The following AGBL1 variants were observed in gnomAD, a reference collection of about 807,000 sequenced individuals.
AGBL1 encodes cytosolic carboxypeptidase 4.
In AGBL1, 130 loss-of-function variants were observed where a neutral mutation model predicts 118.9. The observed-to-expected ratio is 1.09, with a 90% CI of 0.95 to 1.26. AGBL1 has a LOEUF of 1.26. AGBL1 is among the 50% of genes most tolerant of loss of function. The pLI is 0.00. For synonymous variants in AGBL1, 555 were observed against 478.9 expected, an observed-to-expected ratio of 1.16 and a Z score of -2.08; for missense variants, 1,584 against 1,298.1, an observed-to-expected ratio of 1.22 and a Z score of -3.38.
chr15:86,868,816 A>T (rs1205363406), intron 22 of AGBL1, among the ~76,000 whole-genome samples: 4 of 152,196 alleles, frequency 2.6e-5, no homozygotes. Context: ...AATTAATGGA[A>T]TTGTGACATG....
intron 21 of AGBL1, among the ~76,000 whole-genome samples, chr15:86,622,305 G>A (rs2084820322): frequency 2.7e-5 from 4 of 150,826 alleles, no homozygotes; most frequent in Admixed American, 2.6e-4. Context: ...ACTCCAACCT[G>A]GGTGACAAGA....
chr15:86,318,849 A>G (rs901287409), intron 17 of AGBL1, among the ~76,000 whole-genome samples: 2 of 151,976 alleles, frequency 1.3e-5, no homozygotes, highest in African/African-American at 2.4e-5. Context: ...GATCTGAATG[A>G]AGTGTTATTA....
chr15:86,426,989 C>T (rs530429945), intron 18 of AGBL1, among the ~76,000 whole-genome samples: 1 of 152,256 alleles, frequency 6.6e-6, no homozygotes, highest in Non-Finnish European at 1.5e-5. Context: ...TGGTCTTGAA[C>T]TCCTGACCTC....
intron 17 of AGBL1, among the ~76,000 whole-genome samples, chr15:86,373,447 C>T (rs1033362286): frequency 1.3e-5 from 2 of 152,130 alleles, no homozygotes; most frequent in African/African-American, 2.4e-5. Context: ...CTCTAAAGGC[C>T]AGGACTGGGA....
At chr15:86,423,224 A>G (rs2081816752) in intron 18 of AGBL1, among the ~76,000 whole-genome samples, 1 of 152,232 alleles carries the variant, frequency 6.6e-6, no homozygotes, top group Non-Finnish European at 1.5e-5. Flanking sequence ...AGCACATCAA[A>G]AAGCTTATCC....
At chr15:86,762,094 T>C (rs903463923) in intron 22 of AGBL1, among the ~76,000 whole-genome samples, 5 of 152,142 alleles carry the variant, frequency 3.3e-5, no homozygotes, top group Non-Finnish European at 7.4e-5. Flanking sequence ...TGGAAGCCAT[T>C]ATCCTCAGCA....
At chr15:86,528,459 A>G (rs369931546) in intron 19 of AGBL1, among the ~76,000 whole-genome samples, 20 of 151,782 alleles carry the variant, frequency 1.3e-4, no homozygotes, top group Non-Finnish European at 2.4e-4. Flanking sequence ...AGGGTCCTAC[A>G]CCCACGGAAT....
At chr15:86,142,150 TG>T (rs2076972224) in intron 2 of AGBL1, 83 bp downstream of exon 2, 2 of 1,398,462 alleles carry the variant, frequency 1.4e-6, no homozygotes, top group African/African-American at 1.4e-5. Flanking sequence ...CTCTGTGACC[TG>T]GGGGTTTGCT....
At chr15:86,929,518 G>T (rs1199769295) in intron 23 of AGBL1, among the ~76,000 whole-genome samples, 1 of 152,230 alleles carries the variant, frequency 6.6e-6, no homozygotes, top group African/African-American at 2.4e-5. Context: ...TGGCCAGGTA[G>T]ATGCATCTTA....
At chr15:86,810,832 G>A (rs1414432902) in intron 22 of AGBL1, among the ~76,000 whole-genome samples, 8 of 152,114 alleles carry the variant, frequency 5.3e-5, no homozygotes, top group South Asian at 4.2e-4. Flanking sequence ...GACACAGTTC[G>A]TGGTACTGGT....
At chr15:86,540,835 A>G (rs2083485397) in intron 19 of AGBL1, among the ~76,000 whole-genome samples, 1 of 152,172 alleles carries the variant, frequency 6.6e-6, no homozygotes, top group South Asian at 2.1e-4. Context: ...AAGCAGAACA[A>G]TGTCTCCTTC....
intron 24 of AGBL1, among the ~76,000 whole-genome samples, chr15:87,027,470 AT>A: frequency 2.6e-5 from 1 of 37,896 alleles, no homozygotes; most frequent in Middle Eastern, 0.017. Context: ...ATTATGCATT[AT>A]ATAATACATT....
chr15:86,930,318 T>A (rs560532800), intron 23 of AGBL1, among the ~76,000 whole-genome samples: 1 of 152,234 alleles, frequency 6.6e-6, no homozygotes, highest in South Asian at 2.1e-4. Context: ...ATGAACAGGA[T>A]GAAGTGATGC....
intron 16 of AGBL1, among the ~76,000 whole-genome samples, chr15:86,284,259 G>A (rs1879419379): frequency 6.7e-6 from 1 of 150,026 alleles, no homozygotes; most frequent in Admixed American, 6.6e-5. Flanking sequence ...TTTTCTTGGG[G>A]TAATTGATTA....
At chr15:86,818,588 G>A (rs751328749) in intron 22 of AGBL1, among the ~76,000 whole-genome samples, 6 of 152,182 alleles carry the variant, frequency 3.9e-5, no homozygotes, top group East Asian at 1.9e-4. Context: ...GGGGACTGCT[G>A]CTCTAGAGAA....
chr15:86,702,877 T>G (rs2086384613), intron 22 of AGBL1, among the ~76,000 whole-genome samples: 1 of 151,934 alleles, frequency 6.6e-6, no homozygotes, highest in Non-Finnish European at 1.5e-5. Context: ...TGACTTGGAC[T>G]ATAATCTCTG....
intron 17 of AGBL1, among the ~76,000 whole-genome samples, chr15:86,326,749 C>T (rs1451195002): frequency 6.6e-6 from 1 of 152,018 alleles, no homozygotes; most frequent in Non-Finnish European, 1.5e-5. Context: ...AAATATCTGT[C>T]TGGAGCAGAA....
chr15:86,812,700 C>T lies in AGBL1; in HGVS notation c.3159-94387C>T, dbSNP rs143968346. 6.3e-4 allele frequency among the ~76,000 whole-genome samples: 96 copies of T among 152,270 alleles called. 1 individual carries two copies. The South Asian group carries it at 7.2e-3, about 11-fold the overall frequency. Reference sequence around the variant, plus strand: ...CAGATCCCCCTGCCTTGCCTCCCACCGCACAGCCATGCCTCCATGCACTGC... The same window carrying T: ...CAGATCCCCCTGCCTTGCCTCCCACTGCACAGCCATGCCTCCATGCACTGC... On this transcript the variant is annotated intron_variant, in intron 22 of 22. Coordinates refer to ENST00000614907, the MANE Select transcript of AGBL1 (RefSeq NM_001386094.1).
At chr15:86,943,171 T>TAAGTC (rs1166500338) in intron 23 of AGBL1, among the ~76,000 whole-genome samples, 4 of 152,200 alleles carry the variant, frequency 2.6e-5, no homozygotes, top group Non-Finnish European at 5.9e-5. Flanking sequence ...TCAGTTAACC[T>TAAGTC]AAGTCTCATA....
Sources: gnomAD v4.1 joint callset for allele counts (sites outside exome capture counted in the v4.1 genomes callset) on GRCh38, gnomAD v4.1.1 for gene constraint, MANE v1.5 for transcripts, NCBI Gene and HGNC (gene_info 2026-07-23, HGNC 2026-07-21) for gene names.